ROBO1: variants seen among roughly 807,000 people sequenced by gnomAD.
The protein encoded by ROBO1 is roundabout homolog 1.
ROBO1 carries 149 observed loss-of-function variants against 195.9 expected under a neutral mutation model. The ratio of observed to expected loss-of-function variants is 0.76; its 90% CI spans 0.67 to 0.87. The LOEUF is 0.87. Among genes scored for constraint, ROBO1 ranks in the 40% least tolerant of loss-of-function variants. The probability of loss-of-function intolerance (pLI) is 0.00; values close to 1 mark genes in which losing one functional copy is unlikely to be tolerated. For missense variants in ROBO1, 1,933 were observed against 2,068.3 expected (o/e 0.93, Z 1.27); for synonymous variants, 816 against 733.2 (o/e 1.11, Z -1.82).
intron 2 of ROBO1, among the ~76,000 whole-genome samples, chr3:79,212,661 A>G (rs987961736): frequency 6.6e-6 from 1 of 151,976 alleles, no homozygotes; most frequent in Admixed American, 6.6e-5. Context: ...TCTACTAAAA[A>G]TACAAAATAT....
At chr3:79,010,263 A>G (rs796513138) in intron 3 of ROBO1, among the ~76,000 whole-genome samples, 2 of 152,254 alleles carry the variant, frequency 1.3e-5, no homozygotes, top group African/African-American at 4.8e-5. Context: ...AGAATTGTGA[A>G]AAGCAAGAAT....
intron 3 of ROBO1, among the ~76,000 whole-genome samples, chr3:79,021,360 C>T (rs1450310391): frequency 6.6e-6 from 1 of 152,048 alleles, no homozygotes. Context: ...AGAAAGAGAG[C>T]AAGATAGAGA....
At chr3:79,414,685 T>C (rs1209254959) in intron 2 of ROBO1, among the ~76,000 whole-genome samples, 2 of 152,168 alleles carry the variant, frequency 1.3e-5, no homozygotes, top group Non-Finnish European at 2.9e-5. Context: ...TCAAAGCTTA[T>C]ATTCAGTATT....
chr3:79,128,785 ATTT>A (rs1419733262), intron 2 of ROBO1, among the ~76,000 whole-genome samples: 4 of 152,120 alleles, frequency 2.6e-5, no homozygotes, highest in African/African-American at 4.8e-5. Context: ...ATCAATTCCA[ATTT>A]TATAATTAAG....
intron 3 of ROBO1, among the ~76,000 whole-genome samples, chr3:78,989,953 C>CAAAATA (rs1327551643): frequency 1.3e-5 from 2 of 151,562 alleles, no homozygotes; most frequent in Non-Finnish European, 2.9e-5. Flanking sequence ...CATAGAAAAC[C>CAAAATA]AAAATAAAAG....
At chr3:79,174,855 CA>C (rs796987730) in intron 2 of ROBO1, among the ~76,000 whole-genome samples, 11,854 of 74,384 alleles carry the variant, frequency 0.16, 746 homozygotes, top group African/African-American at 0.3. Flanking sequence ...GACTCCGCCT[CA>C]AAAAAAAAAA....
intron 3 of ROBO1, among the ~76,000 whole-genome samples, chr3:79,052,170 A>G (rs989816849): frequency 6.6e-5 from 10 of 152,086 alleles, no homozygotes; most frequent in African/African-American, 2.4e-5. Context: ...TCAGCAAGTA[A>G]TAGCCCTGGG....
chr3:79,068,545 A>G (rs1417891626), intron 3 of ROBO1, among the ~76,000 whole-genome samples: 2 of 151,922 alleles, frequency 1.3e-5, no homozygotes. Context: ...AAAAAAATCT[A>G]TAATCTTGCA....
chr3:79,365,041 C>T (rs2035916853), intron 2 of ROBO1, among the ~76,000 whole-genome samples: 2 of 152,190 alleles, frequency 1.3e-5, no homozygotes, highest in Admixed American at 1.3e-4. Flanking sequence ...ATAGCTACAA[C>T]TTCTTTATAT....
chr3:79,407,599 G>A (rs1255470451), intron 2 of ROBO1, among the ~76,000 whole-genome samples: 1 of 151,890 alleles, frequency 6.6e-6, no homozygotes, highest in Non-Finnish European at 1.5e-5. Flanking sequence ...TATTTAATAG[G>A]TGTTATTTTA....
rs540100597 is a variant in ROBO1, at chr3:79,726,298, C to A, written c.-51+41454G>T. Among the ~76,000 whole-genome samples the A allele has an allele frequency of 2.6e-5, 4 of 152,298 alleles. No individual in the cohort carries two copies. In the South Asian group the frequency reaches 8.3e-4, roughly 32 times the overall value. On this transcript the variant is annotated intron_variant, in intron 1 of 30. Coordinates refer to ENST00000464233, the MANE Select transcript of ROBO1 (RefSeq NM_002941.4). The stretch of plus-strand genomic sequence containing the variant: ...GTTCATCTACAGTCCCTCAAGCCCT[C>A]CTCCAACCCCATCTATCTAACACCA...
In ROBO1 at chr3:79,334,311, A is replaced by AAAAT. The variant is rs1553721943; in HGVS notation, c.89-208773_89-208772insATTT. On this transcript the variant is annotated intron_variant, in intron 2 of 30. Coordinates refer to ENST00000464233, the MANE Select transcript of ROBO1 (RefSeq NM_002941.4). ...AGTGAGACTCTGTCTAAAAAAAAAA[A>AAAAT]ATATATATATATATATATATGTGTA... Among the ~76,000 whole-genome samples, 189 of 131,730 alleles carry AAAAT rather than the reference A, an allele frequency of 1.4e-3. 1 individual carries two copies. Among genetic ancestry groups the AAAAT allele is most frequent in the East Asian group, 0.013 (62 of 4,630 alleles). 86.4% of individuals were successfully genotyped at this position (131,730 alleles called of 152,430 possible).
chr3:78,663,648 G>A lies in ROBO1; in HGVS notation c.1967-1534C>T, dbSNP rs1375579350. The stretch of plus-strand genomic sequence containing the variant: ...TATTCTTCAGTTTCCTTATGCTTCA[G>A]ATGGTGGCATCAAAGGCAGCTAATC... On this transcript the variant is annotated intron_variant, in intron 14 of 30. Coordinates refer to ENST00000464233, the MANE Select transcript of ROBO1 (RefSeq NM_002941.4). Among the ~76,000 whole-genome samples the A allele has an allele frequency of 2.0e-5, 3 of 152,184 alleles. No individual in the cohort carries two copies. The East Asian group carries it at 5.8e-4, about 29-fold the overall frequency.
At chr3:79,654,741 A>G (rs1946110335) in intron 1 of ROBO1, among the ~76,000 whole-genome samples, 1 of 151,604 alleles carries the variant, frequency 6.6e-6, no homozygotes, top group Non-Finnish European at 1.5e-5. Context: ...TTTTTCTTCC[A>G]TTGCTCATAC....
intron 1 of ROBO1, among the ~76,000 whole-genome samples, chr3:79,656,148 A>C (rs1170950714): frequency 1.3e-5 from 2 of 152,100 alleles, no homozygotes; most frequent in Non-Finnish European, 2.9e-5. Flanking sequence ...TAAGGATTGC[A>C]AAGACAAAGT....
chr3:79,108,795 T>C, intron 3 of ROBO1, among the ~76,000 whole-genome samples: 1 of 152,002 alleles, frequency 6.6e-6, no homozygotes, highest in African/African-American at 2.4e-5. Context: ...GGAATGGTAA[T>C]TTGGCTCAGT....
intron 2 of ROBO1, among the ~76,000 whole-genome samples, chr3:79,380,784 A>T (rs2036542452): frequency 6.6e-6 from 1 of 152,006 alleles, no homozygotes; most frequent in Non-Finnish European, 1.5e-5. Flanking sequence ...CACTCTGACT[A>T]ACAAAAGGTG....
chr3:79,233,506 G>GTT (rs2082355065), intron 2 of ROBO1, among the ~76,000 whole-genome samples: 1 of 152,124 alleles, frequency 6.6e-6, no homozygotes, highest in South Asian at 2.1e-4. Context: ...AAGTTGAGAA[G>GTT]TGAACCTGAT....
At chr3:79,278,609 A>C (rs547769220) in intron 2 of ROBO1, among the ~76,000 whole-genome samples, 1 of 152,292 alleles carries the variant, frequency 6.6e-6, no homozygotes, top group African/African-American at 2.4e-5. Context: ...CTTTTCAATA[A>C]GTTTTGCTGG....
Sources: gnomAD v4.1 joint callset for allele counts (sites outside exome capture counted in the v4.1 genomes callset) on GRCh38, gnomAD v4.1.1 for gene constraint, MANE v1.5 for transcripts, NCBI Gene and HGNC (gene_info 2026-07-23, HGNC 2026-07-21) for gene names.